HEMGN: variants seen among roughly 807,000 people sequenced by gnomAD.
HEMGN encodes the protein erythroid differentiation-associated gene protein.
Under a neutral mutation model 45.7 loss-of-function variants are expected in HEMGN, and 32 were observed. The ratio of observed to expected loss-of-function variants is 0.70; its 90% confidence interval spans 0.53 to 0.94. The LOEUF (loss-of-function observed/expected upper bound fraction) is 0.94, where lower values mean the gene tolerates loss of function less well. HEMGN is among the 40% of genes least tolerant of loss of function. The pLI is 0.00. For synonymous variants in HEMGN, 183 were observed against 178.6 expected, an observed-to-expected ratio of 1.02 and a Z score of -0.20; for missense variants, 530 against 564.2, an observed-to-expected ratio of 0.94 and a Z score of 0.61.
intron 3 of HEMGN, among the ~76,000 whole-genome samples, chr9:97,927,756 G>A (rs1001329243): frequency 1.3e-5 from 2 of 151,948 alleles, no homozygotes; most frequent in South Asian, 4.1e-4. Context: ...TATAAACAAA[G>A]TTAAACCAAA....
At chr9:97,929,505 T>C (rs1393801378) in intron 3 of HEMGN, among the ~76,000 whole-genome samples, 2 of 152,200 alleles carry the variant, frequency 1.3e-5, no homozygotes, top group African/African-American at 4.8e-5. Context: ...CAAATTCCTA[T>C]ACTTAGGAAA....
intron 2 of HEMGN, among the ~76,000 whole-genome samples, chr9:97,934,464 G>A (rs1827020261): frequency 7.2e-6 from 1 of 138,994 alleles, no homozygotes; most frequent in South Asian, 2.5e-4. Context: ...GGGGAGGGGA[G>A]GGGAGGAGAA....
At chr9:97,934,179 T>C (rs1388105346) in intron 2 of HEMGN, among the ~76,000 whole-genome samples, 1 of 151,928 alleles carries the variant, frequency 6.6e-6, no homozygotes, top group South Asian at 2.1e-4. Flanking sequence ...AAACCCCGTC[T>C]CTACTAAAAA....
chr9:97,940,270 A>G (rs1827132708), upstream of HEMGN, among the ~76,000 whole-genome samples: 1 of 152,184 alleles, frequency 6.6e-6, no homozygotes, highest in Non-Finnish European at 1.5e-5. Flanking sequence ...ATAGAGGAGA[A>G]AGTGTGTACA....
chr9:97,929,856 C>G (rs1320662527), intron 3 of HEMGN, among the ~76,000 whole-genome samples, 179 bp downstream of exon 3: 2 of 152,120 alleles, frequency 1.3e-5, no homozygotes, highest in Non-Finnish European at 2.9e-5. Flanking sequence ...ATTTTTTTAA[C>G]TCTTTGAAAT....
chr9:97,927,217 CTA>C lies in HEMGN; in HGVS notation c.*165_*166del. ...CACACACATTCTAGCATGATATTGTCTATGTGGTAGAGCCTTAAAAAATGTTA... is the reference window on the plus strand; with the variant it reads ...CACACACATTCTAGCATGATATTGTCTGTGGTAGAGCCTTAAAAAATGTTA... On this transcript the variant is annotated 3_prime_UTR_variant, in exon 4 of 4. Transcript: ENST00000616898. 2.0e-6 allele frequency: 1 copy of C among 503,260 alleles called. No individual in the cohort carries two copies. The highest frequency in any genetic ancestry group is 3.5e-6 in the Non-Finnish European group (1 of 283,622). The allele number at this position is 503,260 out of a possible 1,614,324, so 31.2% of individuals were successfully genotyped here.
At position 97,931,174 on chromosome 9, in the gene HEMGN, C is replaced by T; in HGVS notation, c.221G>A (p.Arg74Lys). The T allele has an allele frequency of 2.5e-6, 4 of 1,611,718 alleles. No homozygotes were observed. Among genetic ancestry groups the T allele is most frequent in the Non-Finnish European group, 3.4e-6 (4 of 1,179,566 alleles). Reference protein sequence around the residue: ...KQQRTGKGNRRGRKRQQNTEL... With the variant: ...KQQRTGKGNRKGRKRQQNTEL... ...TGTGTTTTGTTGTCTCTTTCTGCCT[C>T]TTCGATTTCCTTTTCCTGTTCTCTG... Residue 74 changes from arginine (R) to lysine (K), a missense_variant, in exon 3 of 4, where the codon AGA (arginine) becomes AAA (lysine). By Grantham distance (26) the Arg-to-Lys change is conservative (BLOSUM62 2). Transcript: ENST00000616898.
intron 2 of HEMGN, among the ~76,000 whole-genome samples, chr9:97,932,803 C>CAAAAAA (rs5899328): frequency 1.4e-3 from 122 of 87,154 alleles, no homozygotes; most frequent in South Asian, 4.2e-3. Flanking sequence ...GACTCTGTCT[C>CAAAAAA]AAAAAAAAAA....
intron 2 of HEMGN, among the ~76,000 whole-genome samples, chr9:97,932,533 C>T (rs1032178526): frequency 1.3e-5 from 2 of 152,070 alleles, no homozygotes; most frequent in Non-Finnish European, 2.9e-5. Flanking sequence ...AGGCCGGGTG[C>T]GTTGGCTCAC....
chr9:97,935,898 A>G (rs1827048813), intron 2 of HEMGN, among the ~76,000 whole-genome samples: 1 of 152,228 alleles, frequency 6.6e-6, no homozygotes, highest in South Asian at 2.1e-4. Flanking sequence ...AGGCTTCTCT[A>G]CAATATAATT....
chr9:97,927,504 TAG>T (rs1394257455), intron 3 of HEMGN, 26 bp from the exon 4 acceptor site: 5 of 1,451,582 alleles, frequency 3.4e-6, no homozygotes, highest in African/African-American at 1.4e-5. Context: ...AAATAAAAAA[TAG>T]ATTCAATAAA....
chr9:97,942,033 T>G (rs1827160508), upstream of HEMGN, among the ~76,000 whole-genome samples: 1 of 152,196 alleles, frequency 6.6e-6, no homozygotes, highest in African/African-American at 2.4e-5. Flanking sequence ...AGAGGGCTTC[T>G]CCTTCAAAAA....
Position 97,927,197 on chromosome 9 carries a change from ACAT to A in HEMGN, c.*184_*186del. On this transcript the variant is annotated 3_prime_UTR_variant, in exon 4 of 4. Coordinates refer to ENST00000616898, the MANE Select transcript of HEMGN (RefSeq NM_197978.3). Reference sequence around the variant, plus strand: ...CACACACACACACACACACACACACACATTCTAGCATGATATTGTCTATGTGGT... The same window carrying A: ...CACACACACACACACACACACACACATCTAGCATGATATTGTCTATGTGGT... 4.5e-6 allele frequency: 2 copies of A among 444,200 alleles called. No individual in the cohort carries two copies. The allele number at this position is 444,200 out of a possible 1,614,324, so 27.5% of individuals were successfully genotyped here.
Position 97,931,091 on chromosome 9 carries a change from C to T in HEMGN, c.304G>A (p.Ala102Thr), listed in dbSNP as rs759349655. ...GGCTCAGTTTTTTTCTCTATAGGTG[C>T]CAGTGCTTTCTCCACTATTTCCTTT... ...IEKEIVEKAL[A>T]PIEKKTEPPG... The change falls in exon 3 of 4, where the codon GCA becomes ACA. Residue 102 changes from alanine to threonine, a missense_variant. Coordinates refer to ENST00000616898, the MANE Select transcript of HEMGN (RefSeq NM_197978.3). 2.5e-6 allele frequency: 4 copies of T among 1,614,062 alleles called. No homozygotes were observed. Among genetic ancestry groups the T allele is most frequent in the Non-Finnish European group, 3.4e-6 (4 of 1,180,008 alleles).
rs1461756753 is a variant in HEMGN, at chr9:97,931,170, G to T, written c.225C>A (p.Gly75=). 2 of 1,612,106 alleles carry T rather than the reference G, an allele frequency of 1.2e-6. No homozygotes were observed. Among genetic ancestry groups the T allele is most frequent in the Admixed American group, 3.4e-5 (2 of 59,594 alleles). The change falls in exon 3 of 4, where the codon GGC becomes GGA. Residue 75 remains glycine (G), a synonymous_variant. Transcript: ENST00000616898. ...QQRTGKGNRR[G]RKRQQNTELK... is the part of the protein sequence containing the mutation. Reference sequence around the variant, plus strand: ...ATTCTGTGTTTTGTTGTCTCTTTCTGCCTCTTCGATTTCCTTTTCCTGTTC... The same window carrying T: ...ATTCTGTGTTTTGTTGTCTCTTTCTTCCTCTTCGATTTCCTTTTCCTGTTC...
intron 3 of HEMGN, 51 bp from the exon 4 acceptor site, chr9:97,927,529 A>C: frequency 8.2e-7 from 1 of 1,213,844 alleles, no homozygotes; most frequent in Non-Finnish European, 1.2e-6. Flanking sequence ...GTATTGGGAC[A>C]ATTGACTCTC....
At chr9:97,943,222 G>A (rs1423416626) in intron 1 of HEMGN, among the ~76,000 whole-genome samples, 1 of 152,224 alleles carries the variant, frequency 6.6e-6, no homozygotes, top group East Asian at 1.9e-4. Context: ...TGTTGATAGT[G>A]ATATTAGAGT....
intron 2 of HEMGN, 134 bp downstream of exon 2, chr9:97,936,037 A>T (rs1439115974): frequency 3.0e-6 from 2 of 656,788 alleles, no homozygotes; most frequent in East Asian, 2.7e-5. Flanking sequence ...TTTTCTGTAA[A>T]ATAGGGATAA....
upstream of HEMGN, among the ~76,000 whole-genome samples, chr9:97,941,860 T>C (rs980037925): frequency 5.9e-5 from 9 of 152,224 alleles, no homozygotes; most frequent in African/African-American, 2.2e-4. Flanking sequence ...TGTCAAACTT[T>C]GCTAAAGTAG....
Sources: gnomAD v4.1 joint callset for allele counts (sites outside exome capture counted in the v4.1 genomes callset) on GRCh38, gnomAD v4.1.1 for gene constraint, MANE v1.5 for transcripts, NCBI Gene and HGNC (gene_info 2026-07-23, HGNC 2026-07-21) for gene names.